Variants in ASTN2 observed in about 807,000 individuals in gnomAD.
ASTN2 encodes astrotactin 2, also known as astrotactin-2.
Under a neutral mutation model 139.8 loss-of-function variants are expected in ASTN2, and 54 were observed. That is an observed-to-expected ratio of 0.39 (90% confidence interval 0.31 to 0.48). ASTN2 has a LOEUF of 0.48. Ranked by LOEUF, ASTN2 falls within the 20% of genes least tolerant of loss-of-function variation. ASTN2 has a pLI of 0.95. For missense variants in ASTN2, 1,565 were observed against 1,725.1 expected, an observed-to-expected ratio of 0.91 and a Z score of 1.64; for synonymous variants, 756 against 719.5, an observed-to-expected ratio of 1.05 and a Z score of -0.81.
chr9:116,983,369 C>T (rs1054558151), intron 7 of ASTN2, among the ~76,000 whole-genome samples: 7 of 152,194 alleles, frequency 4.6e-5, no homozygotes, highest in Non-Finnish European at 1.0e-4. Flanking sequence ...TTGCATGTCA[C>T]AGCCATGACT....
Position 116,698,055 on chromosome 9 carries a change from C to T in ASTN2, c.2806+27716G>A, listed in dbSNP as rs201130164. On this transcript the variant is annotated intron_variant, in intron 16 of 22. Coordinates refer to ENST00000313400, the MANE Select transcript of ASTN2 (RefSeq NM_001365068.1). This position sits in a 1 kb window ranked among gnomAD's most constrained non-coding sequence, Gnocchi z 4.4. ...GCTGCTCATGTGTCGGTCCTGTGGGCGGCGTCTGCCCCGGCAATTCTGCCG... is the reference window on the plus strand; with the variant it reads ...GCTGCTCATGTGTCGGTCCTGTGGGTGGCGTCTGCCCCGGCAATTCTGCCG... 111 of 1,613,924 alleles carry T rather than the reference C, an allele frequency of 6.9e-5. No homozygotes were observed. The highest frequency in any genetic ancestry group is 5.0e-5 in the Admixed American group (3 of 60,026).
At chr9:116,966,856 C>T (rs999992074) in intron 10 of ASTN2, among the ~76,000 whole-genome samples, 3 of 152,120 alleles carry the variant, frequency 2.0e-5, no homozygotes, top group Admixed American at 1.3e-4. Context: ...ACTTAATAGA[C>T]CAAATGCTCA....
chr9:116,531,818 G>A (rs56754529), intron 19 of ASTN2, among the ~76,000 whole-genome samples: 1 of 152,190 alleles, frequency 6.6e-6, no homozygotes, highest in East Asian at 1.9e-4. Flanking sequence ...TAGTGCCGCA[G>A]AAAACATACG....
chr9:116,429,154 C>T (rs555085039), intron 22 of ASTN2, among the ~76,000 whole-genome samples: 312 of 152,110 alleles, frequency 2.1e-3, no homozygotes, highest in Non-Finnish European at 3.3e-3. Flanking sequence ...GCCTGGCCAA[C>T]ATGGTGAAAC....
chr9:117,354,090 T>C (rs767833837), intron 1 of ASTN2, among the ~76,000 whole-genome samples: 1 of 152,168 alleles, frequency 6.6e-6, no homozygotes, highest in Non-Finnish European at 1.5e-5. Flanking sequence ...ACAAAAGTAC[T>C]ACTCTGGTGG....
intron 2 of ASTN2, among the ~76,000 whole-genome samples, chr9:117,286,174 T>A (rs1190087124): frequency 6.6e-6 from 1 of 152,128 alleles, no homozygotes; most frequent in Non-Finnish European, 1.5e-5. Flanking sequence ...GAAAGCAACT[T>A]TGATCTATGC....
At chr9:116,904,082 C>G (rs1208140987) in intron 10 of ASTN2, among the ~76,000 whole-genome samples, 2 of 152,202 alleles carry the variant, frequency 1.3e-5, no homozygotes, top group Non-Finnish European at 2.9e-5. Flanking sequence ...CCATCCTTGC[C>G]AGAATCATGT....
intron 19 of ASTN2, among the ~76,000 whole-genome samples, chr9:116,572,374 C>T (rs1416824573): frequency 1.3e-5 from 2 of 152,158 alleles, no homozygotes; most frequent in Non-Finnish European, 2.9e-5. Context: ...GCCATGAACA[C>T]CACTGGAAAC....
At chr9:116,439,583 A>G (rs1376710338) in intron 22 of ASTN2, among the ~76,000 whole-genome samples, 1 of 152,224 alleles carries the variant, frequency 6.6e-6, no homozygotes, top group Non-Finnish European at 1.5e-5. Context: ...AAAAGTCATA[A>G]AAGTGGTAGG....
intron 10 of ASTN2, among the ~76,000 whole-genome samples, chr9:116,920,621 G>A (rs1588412310): frequency 1.3e-5 from 2 of 152,282 alleles, no homozygotes; most frequent in South Asian, 4.1e-4. Flanking sequence ...TTAACCCTCA[G>A]TTACAATGTT....
At chr9:116,997,035 G>T (rs1837044580) in intron 7 of ASTN2, among the ~76,000 whole-genome samples, 1 of 152,052 alleles carries the variant, frequency 6.6e-6, no homozygotes, top group South Asian at 2.1e-4. Context: ...AATACCTGAG[G>T]CTACCTTCTT....
intron 22 of ASTN2, among the ~76,000 whole-genome samples, chr9:116,438,943 T>G (rs1281450563): frequency 6.6e-6 from 1 of 152,068 alleles, no homozygotes; most frequent in South Asian, 2.1e-4. Context: ...ACAGCGAAAC[T>G]CCATGTCAAA....
chr9:116,950,326 T>G (rs919783974), intron 10 of ASTN2, among the ~76,000 whole-genome samples: 1 of 151,950 alleles, frequency 6.6e-6, no homozygotes, highest in Non-Finnish European at 1.5e-5. Context: ...AGAACCATTG[T>G]GATAAAGGAA....
chr9:117,004,810 C>G (rs1171427694), intron 7 of ASTN2, among the ~76,000 whole-genome samples: 1 of 152,168 alleles, frequency 6.6e-6, no homozygotes, highest in African/African-American at 2.4e-5. Context: ...GTAAGGAAAC[C>G]TGAGGTTCTA....
chr9:116,680,225 A>G (rs1192477988), intron 16 of ASTN2, among the ~76,000 whole-genome samples: 1 of 152,222 alleles, frequency 6.6e-6, no homozygotes, highest in African/African-American at 2.4e-5. Context: ...ACAAACTACC[A>G]TCAGAGAATA....
At chr9:117,259,028 A>G (rs1232222871) in intron 2 of ASTN2, among the ~76,000 whole-genome samples, 1 of 152,168 alleles carries the variant, frequency 6.6e-6, no homozygotes, top group African/African-American at 2.4e-5. Flanking sequence ...ACAAAATAAT[A>G]AAAATAGCTC....
At chr9:116,982,386 C>T (rs1329207324) in intron 7 of ASTN2, among the ~76,000 whole-genome samples, 2 of 152,098 alleles carry the variant, frequency 1.3e-5, no homozygotes, top group Non-Finnish European at 2.9e-5. Flanking sequence ...GAACACAAAA[C>T]AGCTGTTTGG....
At chr9:116,778,741 A>G (rs1401044979) in intron 13 of ASTN2, among the ~76,000 whole-genome samples, 1 of 152,176 alleles carries the variant, frequency 6.6e-6, no homozygotes, top group Non-Finnish European at 1.5e-5. Flanking sequence ...TCTAGAATAA[A>G]ACTTGTTCTA....
chr9:116,818,076 G>C (rs1036342788), intron 12 of ASTN2, among the ~76,000 whole-genome samples: 3 of 151,838 alleles, frequency 2.0e-5, no homozygotes, highest in African/African-American at 7.3e-5. Context: ...ACATAAAATG[G>C]GAATCATAAT....
Sources: allele counts gnomAD v4.1 joint callset (sites outside exome capture counted in the v4.1 genomes callset), GRCh38; gene constraint gnomAD v4.1.1; non-coding constraint Gnocchi (gnomAD v3.1); transcripts MANE v1.5; gene names NCBI Gene and HGNC (gene_info 2026-07-23, HGNC 2026-07-21).